MRNIP: variants seen among roughly 807,000 people sequenced by gnomAD.
MRNIP encodes MRN complex interacting protein, also known as MRN complex-interacting protein.
Under a neutral mutation model 29.8 loss-of-function variants are expected in MRNIP, and 30 were observed. That is an observed-to-expected ratio of 1.01 (90% CI 0.75 to 1.36). The LOEUF is 1.36. MRNIP is among the 40% of genes most tolerant of loss of function. MRNIP has a pLI of 0.00. For synonymous variants in MRNIP, 201 were observed against 164.1 expected (o/e 1.23, Z -1.72); for missense variants, 459 against 423.5 (o/e 1.08, Z -0.74).
chr5:179,850,582 C>T (rs1208615106), intron 2 of MRNIP, among the ~76,000 whole-genome samples: 1 of 152,168 alleles, frequency 6.6e-6, no homozygotes, highest in South Asian at 2.1e-4. Context: ...CCACTGCTGA[C>T]GCTGACAGAA....
At chr5:179,853,337 C>A (rs761588716) in intron 2 of MRNIP, 41 bp downstream of exon 2, 1 of 1,605,966 alleles carries the variant, frequency 6.2e-7, no homozygotes, top group South Asian at 1.1e-5. Context: ...GGGCTCGCTG[C>A]AGGCCTGCGC....
At chr5:179,857,596 C>T (rs111555939) in intron 1 of MRNIP, among the ~76,000 whole-genome samples, 17 of 152,150 alleles carry the variant, frequency 1.1e-4, no homozygotes, top group African/African-American at 3.6e-4. Flanking sequence ...ACCCAGCTCC[C>T]GAAAGAAAAT....
At chr5:179,845,338 G>A (rs1198955500) in intron 3 of MRNIP, among the ~76,000 whole-genome samples, 3 of 151,830 alleles carry the variant, frequency 2.0e-5, no homozygotes, top group African/African-American at 7.3e-5. Context: ...TAGTAGAGAT[G>A]GGGTTTCACT....
chr5:179,853,055 A>G, intron 2 of MRNIP: 1 of 459,952 alleles, frequency 2.2e-6, no homozygotes, highest in Non-Finnish European at 4.0e-6. Context: ...GCATGTGTGC[A>G]TTAGTTTCTC....
intron 1 of MRNIP, among the ~76,000 whole-genome samples, chr5:179,857,811 G>A (rs6897669): frequency 0.41 from 62,658 of 151,522 alleles, 14,319 homozygotes; most frequent in East Asian, 0.78. Context: ...TCAGGAGTTC[G>A]AGACCGGCCT....
At chr5:179,842,516 TA>T (rs768324237) in intron 4 of MRNIP, among the ~76,000 whole-genome samples, 8 of 130,464 alleles carry the variant, frequency 6.1e-5, no homozygotes, top group African/African-American at 8.9e-5. Flanking sequence ...CCGTCTCTAC[TA>T]AAAAAAAAAC....
chr5:179,855,871 G>A (rs190797563), intron 1 of MRNIP, among the ~76,000 whole-genome samples: 2 of 149,480 alleles, frequency 1.3e-5, no homozygotes, highest in Admixed American at 1.3e-4. Flanking sequence ...TAAAACTGTG[G>A]ATTTTCTATG....
At chr5:179,843,062 G>GCA (rs57581691) in intron 4 of MRNIP, among the ~76,000 whole-genome samples, 13 of 142,792 alleles carry the variant, frequency 9.1e-5, no homozygotes, top group Admixed American at 7.2e-4. Context: ...AGGAAGGAAG[G>GCA]GAGGGAGGGA....
intron 3 of MRNIP, chr5:179,847,275 C>T (rs1759178695): frequency 7.1e-6 from 1 of 139,912 alleles, no homozygotes; most frequent in Non-Finnish European, 1.5e-5. Context: ...TCAAGTGATT[C>T]TCCTACCTCA....
Position 179,837,577 on chromosome 5 carries a change from A to T in MRNIP, c.846T>A (p.Ala282=), listed in dbSNP as rs1758651723. Residue 282 remains alanine, a synonymous_variant, in exon 7 of 7, where the codon GCT becomes GCA. Transcript: ENST00000292586. ...SREGLSRPTA[A]VQLPRATHPV... is the part of the protein sequence containing the mutation. ...GGTGTGTGGCCCGAGGAAGCTGGACAGCGGCAGTGGGCCTGCTGAGGCCTT... is the reference window on the plus strand; with the variant it reads ...GGTGTGTGGCCCGAGGAAGCTGGACTGCGGCAGTGGGCCTGCTGAGGCCTT... 6.2e-7 allele frequency: 1 copy of T among 1,614,222 alleles called. No homozygotes were observed.
intron 2 of MRNIP, among the ~76,000 whole-genome samples, chr5:179,852,532 T>C (rs1759416058): frequency 6.6e-6 from 1 of 152,182 alleles, no homozygotes; most frequent in African/African-American, 2.4e-5. Context: ...AAAGCCTCTG[T>C]TCTCACGGAA....
chr5:179,849,297 C>A (rs1362791136), intron 2 of MRNIP, among the ~76,000 whole-genome samples: 3 of 138,114 alleles, frequency 2.2e-5, no homozygotes, highest in Non-Finnish European at 4.7e-5. Flanking sequence ...GCAGATGGTA[C>A]GAGATGGAAT....
chr5:179,853,427 C>T lies in MRNIP; in HGVS notation c.77G>A (p.Ser26Asn), dbSNP rs747227527. 2.0e-5 allele frequency: 33 copies of T among 1,611,022 alleles called. No individual in the cohort carries two copies. The highest frequency in any genetic ancestry group is 2.6e-5 in the Non-Finnish European group (31 of 1,178,864). The change falls in exon 2 of 7, where the codon AGT becomes AAT. Residue 26 changes from serine to asparagine, a missense_variant. Coordinates refer to ENST00000292586, the MANE Select transcript of MRNIP (RefSeq NM_016175.4). ...RLFQAHQVKK[S>N]VKWTCKACGE... The stretch of plus-strand genomic sequence containing the variant: ...ACAAGCTTTGCATGTCCACTTGACA[C>T]TCTTTTTTACCTGCAATGAAATTTC...
At position 179,837,599 on chromosome 5, in the gene MRNIP, C is replaced by T. The variant is rs1290097631; in HGVS notation, c.824G>A (p.Gly275Asp). 6.2e-7 allele frequency: 1 copy of T among 1,614,054 alleles called. No individual in the cohort carries two copies. Among genetic ancestry groups the T allele is most frequent in the African/African-American group, 1.3e-5 (1 of 74,950 alleles). The change falls in exon 7 of 7, where the codon GGC becomes GAC. Residue 275 changes from glycine to aspartate, a missense_variant. By Grantham distance (94) the Gly-to-Asp change is moderately conservative. Transcript: ENST00000292586. ...GTPRAQASRE[G>D]LSRPTAAVQL... ...GACAGCGGCAGTGGGCCTGCTGAGG[C>T]CTTCTCTTGAGGCCTGTGCTCTGGG...
At chr5:179,853,750 C>T (rs573067620) in intron 1 of MRNIP, among the ~76,000 whole-genome samples, 5 of 151,958 alleles carry the variant, frequency 3.3e-5, no homozygotes, top group East Asian at 1.9e-4. Context: ...CCAGCCTACA[C>T]GACAGGGTGA....
At chr5:179,841,075 C>T in intron 5 of MRNIP, 116 bp from the exon 6 acceptor site, 1 of 671,882 alleles carries the variant, frequency 1.5e-6, no homozygotes, top group Non-Finnish European at 2.6e-6. Context: ...CCTACGGCTT[C>T]CCAGGCAGCT....
At chr5:179,838,025 G>C in intron 6 of MRNIP, 140 bp from the exon 7 acceptor site, 4 of 752,194 alleles carry the variant, frequency 5.3e-6, no homozygotes, top group Non-Finnish European at 8.4e-6. Context: ...GACAGGCTTT[G>C]ATTTTGAGGG....
At chr5:179,853,340 G>A (rs1759448793) in intron 2 of MRNIP, 38 bp downstream of exon 2, 6 of 1,606,296 alleles carry the variant, frequency 3.7e-6, no homozygotes, top group Non-Finnish European at 5.1e-6. Flanking sequence ...CTCGCTGCAG[G>A]CCTGCGCCCC....
chr5:179,837,951 G>T, intron 6 of MRNIP, 66 bp from the exon 7 acceptor site: 1 of 1,495,620 alleles, frequency 6.7e-7, no homozygotes, highest in South Asian at 1.2e-5. Flanking sequence ...AGGACCGCCT[G>T]CCCTGCCTGG....
Sources: allele counts gnomAD v4.1 joint callset (sites outside exome capture counted in the v4.1 genomes callset), GRCh38; gene constraint gnomAD v4.1.1; transcripts MANE v1.5; gene names NCBI Gene and HGNC (gene_info 2026-07-23, HGNC 2026-07-21).